DYM: variants seen among roughly 807,000 people sequenced by gnomAD.
DYM encodes dyggve-Melchior-Clausen syndrome protein.
Under a neutral mutation model 93.1 loss-of-function variants are expected in DYM, and 78 were observed. The observed-to-expected ratio is 0.84, with a 90% CI of 0.70 to 1.01. The LOEUF (loss-of-function observed/expected upper bound fraction) is 1.01. DYM is among the 50% of genes least tolerant of loss of function. The pLI, the probability that DYM is intolerant of heterozygous loss-of-function variation, is 0.00. For synonymous variants in DYM, 321 were observed against 319.7 expected (o/e 1.00, Z -0.04); for missense variants, 789 against 845.0 (o/e 0.93, Z 0.82).
chr18:49,380,091 A>T (rs1158050328), intron 3 of DYM, among the ~76,000 whole-genome samples: 1 of 152,160 alleles, frequency 6.6e-6, no homozygotes, highest in Non-Finnish European at 1.5e-5. Flanking sequence ...AGATTTTTAA[A>T]AACTCAAAAA....
rs567934765 is a variant in DYM, at chr18:49,356,582, G to C, written c.494+6579C>G. Among the ~76,000 whole-genome samples, 14 of 152,254 alleles carry C rather than the reference G, an allele frequency of 9.2e-5. No homozygotes were observed. The South Asian group carries it at 2.3e-3, about 25-fold the overall frequency. ...GAAGTATTTTAGCATCAACATGCAG[G>C]GCTGTAGAAAGGCATTTTCCCAATA... On this transcript the variant is annotated intron_variant, in intron 6 of 17. Coordinates refer to ENST00000675505, the MANE Select transcript of DYM (RefSeq NM_001353214.3).
intron 17 of DYM, among the ~76,000 whole-genome samples, chr18:49,073,521 G>A (rs1003572207): frequency 5.3e-5 from 8 of 152,028 alleles, no homozygotes; most frequent in African/African-American, 1.7e-4. Flanking sequence ...AATGGCTTCA[G>A]GCCCTCAATT....
chr18:49,085,176 T>C (rs901716916), intron 17 of DYM, among the ~76,000 whole-genome samples: 2 of 152,214 alleles, frequency 1.3e-5, no homozygotes, highest in Non-Finnish European at 2.9e-5. Context: ...CTCAATAAAC[T>C]TCCGAAATTG....
intron 17 of DYM, among the ~76,000 whole-genome samples, chr18:49,087,998 G>T (rs1406977674): frequency 6.6e-6 from 1 of 152,038 alleles, no homozygotes; most frequent in Non-Finnish European, 1.5e-5. Context: ...TGAGTTCTTT[G>T]TAGATTCTGT....
intron 17 of DYM, among the ~76,000 whole-genome samples, chr18:49,082,152 A>G (rs1425085627): frequency 1.3e-5 from 2 of 152,240 alleles, no homozygotes; most frequent in African/African-American, 2.4e-5. Flanking sequence ...CCAGGCCAGA[A>G]ATATCAAGAG....
At chr18:49,227,733 T>C (rs532895596) in intron 13 of DYM, among the ~76,000 whole-genome samples, 1 of 152,232 alleles carries the variant, frequency 6.6e-6, no homozygotes, top group Admixed American at 6.5e-5. Flanking sequence ...GTCTCACCAG[T>C]CCAATGTTCT....
chr18:49,134,796 C>T (rs751512131), intron 15 of DYM, among the ~76,000 whole-genome samples: 33 of 152,104 alleles, frequency 2.2e-4, no homozygotes, highest in Non-Finnish European at 4.0e-4. Context: ...TAGTTTTGTA[C>T]GGCAGAAATC....
In DYM at chr18:49,040,970, T is replaced by G. The variant is rs2070890397; in HGVS notation, c.*3085A>C. On this transcript the variant is annotated 3_prime_UTR_variant, in exon 18 of 18. Coordinates refer to ENST00000675505, the MANE Select transcript of DYM (RefSeq NM_001353214.3). ...GCTGAGTGTTCTGATGCTGGTCCTG[T>G]GTCCTTTCCACTTTCTATCGTCTAC... Among the ~76,000 whole-genome samples, 1 of 152,250 alleles carries G rather than the reference T, an allele frequency of 6.6e-6. No homozygotes were observed. Among genetic ancestry groups the G allele is most frequent in the Non-Finnish European group, 1.5e-5 (1 of 68,038 alleles).
At chr18:49,331,823 T>C (rs369143271) in intron 8 of DYM, 41 bp downstream of exon 8, 1 of 1,612,062 alleles carries the variant, frequency 6.2e-7, no homozygotes, top group Non-Finnish European at 8.5e-7. Flanking sequence ...TAGATAAAAT[T>C]TATGTGCACC....
chr18:49,069,976 G>T (rs1040122112), intron 17 of DYM, among the ~76,000 whole-genome samples: 1 of 152,252 alleles, frequency 6.6e-6, no homozygotes, highest in African/African-American at 2.4e-5. Context: ...GGGGGGTGCA[G>T]GTTGTGGTGA....
chr18:49,130,844 A>G (rs1051863577), intron 15 of DYM, among the ~76,000 whole-genome samples: 5 of 152,116 alleles, frequency 3.3e-5, no homozygotes, highest in African/African-American at 1.2e-4. Flanking sequence ...AGCACTTGGA[A>G]TAGGGTTGGG....
intron 8 of DYM, among the ~76,000 whole-genome samples, chr18:49,290,433 A>G (rs2060037750): frequency 1.3e-5 from 2 of 152,046 alleles, no homozygotes; most frequent in Non-Finnish European, 2.9e-5. Context: ...TAGAGGATGA[A>G]GTGGGATTGC....
At chr18:49,352,900 A>G (rs1204149975) in intron 6 of DYM, among the ~76,000 whole-genome samples, 1 of 152,058 alleles carries the variant, frequency 6.6e-6, no homozygotes, top group Non-Finnish European at 1.5e-5. Flanking sequence ...AAGCTTTTCA[A>G]TACTCTTTAT....
chr18:49,289,628 T>C (rs2145893203), intron 8 of DYM, among the ~76,000 whole-genome samples: 1 of 148,116 alleles, frequency 6.8e-6, no homozygotes, highest in Non-Finnish European at 1.5e-5. Context: ...GGAGGATCAC[T>C]TGAGCCCAGG....
chr18:49,203,871 TAAAAAAAAAA>T (rs71165370), intron 14 of DYM, among the ~76,000 whole-genome samples: 1,594 of 63,578 alleles, frequency 0.025, 61 homozygotes, highest in South Asian at 0.19. Flanking sequence ...TTTAAAAAAG[TAAAAAAAAAA>T]AAAAAAAAAA....
intron 15 of DYM, among the ~76,000 whole-genome samples, chr18:49,144,370 T>C (rs1303145709): frequency 6.6e-6 from 1 of 152,070 alleles, no homozygotes; most frequent in East Asian, 1.9e-4. Context: ...AGAAACATAA[T>C]CTATGGTTCC....
At chr18:49,075,032 T>C (rs115910296) in intron 17 of DYM, among the ~76,000 whole-genome samples, 1,633 of 152,246 alleles carry the variant, frequency 0.011, 28 homozygotes, top group African/African-American at 0.038. Context: ...ACAGACAGGC[T>C]GGGTGTCTCC....
At chr18:49,134,829 C>T (rs971507448) in intron 15 of DYM, among the ~76,000 whole-genome samples, 3 of 152,162 alleles carry the variant, frequency 2.0e-5, no homozygotes, top group Admixed American at 6.5e-5. Context: ...TTTTCTCAGC[C>T]GGGCATGGTG....
At chr18:49,091,695 T>G (rs951632449) in intron 17 of DYM, among the ~76,000 whole-genome samples, 1 of 152,166 alleles carries the variant, frequency 6.6e-6, no homozygotes, top group Non-Finnish European at 1.5e-5. Flanking sequence ...CTGATGATGC[T>G]ATGAGGATCA....
Sources: gnomAD v4.1 joint callset for allele counts (sites outside exome capture counted in the v4.1 genomes callset) on GRCh38, gnomAD v4.1.1 for gene constraint, MANE v1.5 for transcripts, NCBI Gene and HGNC (gene_info 2026-07-23, HGNC 2026-07-21) for gene names.